Variants in CCSER1 observed in about 807,000 individuals in gnomAD.
The protein encoded by CCSER1 is serine-rich coiled-coil domain-containing protein 1.
A neutral mutation model predicts 82.0 loss-of-function variants in CCSER1; 41 were observed. The observed-to-expected ratio is 0.50, with a 90% CI of 0.39 to 0.65. CCSER1 has a LOEUF of 0.65. Among genes scored for constraint, CCSER1 ranks in the 30% least tolerant of loss-of-function variants. CCSER1 has a pLI of 0.00. For missense variants in CCSER1, 1,119 were observed against 1,064.2 expected, an observed-to-expected ratio of 1.05 and a Z score of -0.72; for synonymous variants, 414 against 383.9, an observed-to-expected ratio of 1.08 and a Z score of -0.92.
chr4:90,423,712 GGTGATCCGCCTGCATCGGCTTCCCAAA>G (rs1757069259), intron 4 of CCSER1, among the ~76,000 whole-genome samples: 1 of 151,832 alleles, frequency 6.6e-6, no homozygotes. Flanking sequence ...CCTAACCTCA[GGTGATCCGCCTGCATCGGCTTCCCAAA>G]GTGCTGGGAT....
chr4:91,553,604 T>G (rs2110231523), intron 10 of CCSER1, among the ~76,000 whole-genome samples: 1 of 151,268 alleles, frequency 6.6e-6, no homozygotes, highest in South Asian at 2.1e-4. Context: ...CCTTACTTAT[T>G]ATTAGCTTTT....
At chr4:90,435,893 G>T (rs1299703225) in intron 4 of CCSER1, among the ~76,000 whole-genome samples, 2 of 151,684 alleles carry the variant, frequency 1.3e-5, no homozygotes. Flanking sequence ...ATCTATATAT[G>T]TTAGATATTA....
chr4:91,298,475 T>G (rs114646321), intron 10 of CCSER1, among the ~76,000 whole-genome samples: 2,540 of 152,060 alleles, frequency 0.017, 33 homozygotes, highest in Middle Eastern at 0.027. Flanking sequence ...CTTCAAAATT[T>G]TATTTCATCC....
chr4:91,361,357 G>T (rs1159009711), intron 10 of CCSER1, among the ~76,000 whole-genome samples: 2 of 151,722 alleles, frequency 1.3e-5, no homozygotes, highest in East Asian at 3.9e-4. Flanking sequence ...CTGGAGGCAT[G>T]AGAAAGCAGA....
chr4:90,165,939 G>T (rs902947597), intron 1 of CCSER1, among the ~76,000 whole-genome samples: 23 of 151,994 alleles, frequency 1.5e-4, no homozygotes, highest in Non-Finnish European at 3.2e-4. Flanking sequence ...TAAAGCTGGG[G>T]ATGTTGTCTT....
At chr4:90,169,822 C>T (rs1431029468) in intron 1 of CCSER1, among the ~76,000 whole-genome samples, 1 of 151,550 alleles carries the variant, frequency 6.6e-6, no homozygotes, top group Non-Finnish European at 1.5e-5. Flanking sequence ...CACTGGGTTA[C>T]ACATGTACTT....
intron 6 of CCSER1, among the ~76,000 whole-genome samples, chr4:90,643,528 G>A (rs1726952729): frequency 6.6e-6 from 1 of 152,146 alleles, no homozygotes; most frequent in South Asian, 2.1e-4. Flanking sequence ...GTAGGTTGGG[G>A]ATAACAGTCA....
intron 9 of CCSER1, among the ~76,000 whole-genome samples, chr4:90,995,355 G>A (rs1413345486): frequency 6.6e-6 from 1 of 152,112 alleles, no homozygotes; most frequent in East Asian, 1.9e-4. Context: ...AGAATTCACA[G>A]TAAATTAATA....
intron 10 of CCSER1, among the ~76,000 whole-genome samples, chr4:91,301,652 CT>C (rs1432071038): frequency 6.6e-6 from 1 of 151,732 alleles, no homozygotes; most frequent in Non-Finnish European, 1.5e-5. Flanking sequence ...AACCTATGTC[CT>C]TTAATGGCAG....
At chr4:90,357,771 A>G (rs534023167) in intron 3 of CCSER1, among the ~76,000 whole-genome samples, 3 of 152,058 alleles carry the variant, frequency 2.0e-5, no homozygotes, top group Non-Finnish European at 4.4e-5. Flanking sequence ...TTCTGCTTCT[A>G]TCCAATTGAA....
chr4:91,386,000 TCACA>T (rs905302465), intron 10 of CCSER1, among the ~76,000 whole-genome samples: 2 of 151,702 alleles, frequency 1.3e-5, no homozygotes, highest in East Asian at 1.9e-4. Context: ...ATATGTACAC[TCACA>T]CACACAAATG....
At chr4:91,126,974 G>C (rs1727577384) in intron 10 of CCSER1, among the ~76,000 whole-genome samples, 1 of 151,800 alleles carries the variant, frequency 6.6e-6, no homozygotes, top group Non-Finnish European at 1.5e-5. Context: ...AACCACAAAA[G>C]CAACAATGTC....
chr4:91,187,906 G>A (rs1268167153), intron 10 of CCSER1, among the ~76,000 whole-genome samples: 1 of 152,122 alleles, frequency 6.6e-6, no homozygotes, highest in Non-Finnish European at 1.5e-5. Context: ...GTAGGCAAAG[G>A]AAGGAAAATT....
At chr4:90,994,888 T>G (rs986386692) in intron 9 of CCSER1, among the ~76,000 whole-genome samples, 3 of 152,204 alleles carry the variant, frequency 2.0e-5, no homozygotes, top group Non-Finnish European at 4.4e-5. Context: ...CTTTTCATGT[T>G]GTGCATGACC....
At chr4:90,833,706 A>G (rs907957577) in intron 8 of CCSER1, among the ~76,000 whole-genome samples, 2 of 152,166 alleles carry the variant, frequency 1.3e-5, no homozygotes, top group East Asian at 1.9e-4. Context: ...TAATCTCTCA[A>G]TTAAACAAAC....
At position 90,321,691 on chromosome 4, in the gene CCSER1, G is replaced by A. The variant is rs2153487604; in HGVS notation, c.1509+8644G>A. Among the ~76,000 whole-genome samples the A allele has an allele frequency of 2.0e-5, 3 of 152,166 alleles. No homozygotes were observed. In the Middle Eastern group the frequency reaches 0.01, roughly 518 times the overall value. On this transcript the variant is annotated intron_variant, in intron 3 of 10. Transcript: ENST00000509176. The stretch of plus-strand genomic sequence containing the variant: ...TTACCTTTTCATCAACAGTGTACAA[G>A]GGTTCCCTTTTCTCCACATCCTGTT...
At chr4:90,558,043 G>C (rs1644073268) in intron 5 of CCSER1, among the ~76,000 whole-genome samples, 1 of 152,064 alleles carries the variant, frequency 6.6e-6, no homozygotes, top group Admixed American at 6.5e-5. Flanking sequence ...ATTGCTGTTA[G>C]GTAACAAATA....
At chr4:91,084,265 G>C (rs567611930) in intron 9 of CCSER1, among the ~76,000 whole-genome samples, 8 of 152,214 alleles carry the variant, frequency 5.3e-5, no homozygotes, top group African/African-American at 1.9e-4. Flanking sequence ...AATTATACAT[G>C]TGTAATAATG....
At chr4:91,001,081 C>G (rs1323233557) in intron 9 of CCSER1, among the ~76,000 whole-genome samples, 2 of 152,014 alleles carry the variant, frequency 1.3e-5, no homozygotes. Context: ...GAGGTATGTT[C>G]TTTTGATGCC....
Sources: gnomAD v4.1 joint callset for allele counts (sites outside exome capture counted in the v4.1 genomes callset) on GRCh38, gnomAD v4.1.1 for gene constraint, MANE v1.5 for transcripts, NCBI Gene and HGNC (gene_info 2026-07-23, HGNC 2026-07-21) for gene names.